CTPS2: variants seen among roughly 807,000 people sequenced by gnomAD.
CTPS2 encodes CTP synthase II.
CTPS2 carries 19 observed loss-of-function variants against 46.8 expected under a neutral mutation model. The observed-to-expected ratio is 0.41, with a 90% confidence interval of 0.28 to 0.60. CTPS2 has a LOEUF of 0.60. Among genes scored for constraint, CTPS2 ranks in the 20% least tolerant of loss-of-function variants. CTPS2 has a pLI of 0.35. For synonymous variants in CTPS2, 151 were observed against 165.2 expected (o/e 0.91, Z 0.66); for missense variants, 286 against 447.6 (o/e 0.64, Z 3.26).
intron 13 of CTPS2, among the ~76,000 whole-genome samples, chrX:16,659,771 T>G (rs752892662): frequency 9.0e-6 from 1 of 111,640 alleles, no homozygotes; most frequent in Non-Finnish European, 1.9e-5. Flanking sequence ...GCAATGAAGA[T>G]CCACTCTCTA....
intron 9 of CTPS2, 79 bp downstream of exon 9, chrX:16,683,015 T>C: frequency 1.8e-6 from 2 of 1,119,940 alleles, no homozygotes; most frequent in Admixed American, 4.5e-5. Context: ...CAGGGACCCT[T>C]TAACAAAACT....
At position 16,693,962 on chromosome X, in the gene CTPS2, G is replaced by A. The variant is rs539985451; in HGVS notation, c.439-475C>T. 1.3e-4 allele frequency among the ~76,000 whole-genome samples: 14 copies of A among 110,424 alleles called. 1 individual carries two copies. The South Asian group carries it at 2.3e-3, about 18-fold the overall frequency. On this transcript the variant is annotated intron_variant, in intron 4 of 18. Coordinates refer to ENST00000359276, the MANE Select transcript of CTPS2 (RefSeq NM_175859.3). ...CGGGCGGATCACAGGTCAGGAGATC[G>A]GGACCATCCTGGCCAACATGGTGAA...
intron 10 of CTPS2, among the ~76,000 whole-genome samples, chrX:16,673,079 G>A (rs1258922976): frequency 9.4e-6 from 1 of 106,079 alleles, no homozygotes; most frequent in African/African-American, 3.5e-5. Context: ...GTAGAGACGG[G>A]GTTTCACCGT....
At chrX:16,663,255 T>TC (rs1324081969) in intron 13 of CTPS2, among the ~76,000 whole-genome samples, 4 of 111,193 alleles carry the variant, frequency 3.6e-5, no homozygotes, top group African/African-American at 1.3e-4. Flanking sequence ...CAAGTGATCC[T>TC]CCCCCTCAGC....
At position 16,702,947 on chromosome X, in the gene CTPS2, A is replaced by T; in HGVS notation, c.-39-6T>A. 9.2e-7 allele frequency: 1 copy of T among 1,088,045 alleles called. No individual in the cohort carries two copies. Among genetic ancestry groups the T allele is most frequent in the African/African-American group, 1.8e-5 (1 of 55,160 alleles). The allele number at this position is 1,088,045 out of a possible 1,213,427, so 89.7% of individuals were successfully genotyped here. A position where few individuals can be genotyped will look rare whatever the true frequency, so the allele number is the denominator to read the frequency against. ...TGCCAACACCCAGATATAATCTGAA[A>T]GGCAATAAAATTATGGATAAGGAAA... On this transcript the variant is annotated splice_polypyrimidine_tract_variant and splice_region_variant and intron_variant, in intron 1 of 18. Coordinates refer to ENST00000359276, the MANE Select transcript of CTPS2 (RefSeq NM_175859.3).
chrX:16,702,624 A>G, intron 2 of CTPS2, 113 bp downstream of exon 2: 1 of 652,627 alleles, frequency 1.5e-6, no homozygotes, highest in Non-Finnish European at 2.4e-6. Flanking sequence ...TATTCATAGC[A>G]TACGATCTAG....
At chrX:16,603,570 T>G (rs1602122547) in intron 17 of CTPS2, among the ~76,000 whole-genome samples, 1 of 109,836 alleles carries the variant, frequency 9.1e-6, no homozygotes, top group Non-Finnish European at 1.9e-5. Context: ...AGAGTGTGGG[T>G]GTGTGTGTAT....
chrX:16,692,828 C>T (rs1228903788), intron 6 of CTPS2, among the ~76,000 whole-genome samples: 2 of 110,361 alleles, frequency 1.8e-5, no homozygotes, highest in East Asian at 2.9e-4. Context: ...GAGGCTGAGG[C>T]GGGCGGATCA....
chrX:16,696,456 T>A (rs1392662057), intron 4 of CTPS2, among the ~76,000 whole-genome samples: 2 of 112,122 alleles, frequency 1.8e-5, no homozygotes, highest in Non-Finnish European at 3.8e-5. Context: ...CAACCTCACA[T>A]CCTTAGCAGC....
chrX:16,692,685 G>A (rs756945749), intron 6 of CTPS2, among the ~76,000 whole-genome samples: 5 of 111,142 alleles, frequency 4.5e-5, no homozygotes, highest in East Asian at 2.8e-4. Flanking sequence ...AGCCTTTTCC[G>A]GCTCCCAGAT....
intron 10 of CTPS2, 126 bp from the exon 11 acceptor site, chrX:16,670,800 C>G (rs1921684733): frequency 2.3e-6 from 1 of 426,252 alleles, no homozygotes; most frequent in African/African-American, 2.5e-5. Flanking sequence ...TTTTCAGAAC[C>G]AATTATATGA....
intron 17 of CTPS2, among the ~76,000 whole-genome samples, chrX:16,601,603 T>C (rs2147172365): frequency 9.8e-6 from 1 of 101,990 alleles, no homozygotes; most frequent in East Asian, 3.2e-4. Flanking sequence ...TCCAAAATAA[T>C]GTGGGGAGAT....
intron 14 of CTPS2, among the ~76,000 whole-genome samples, chrX:16,622,222 A>G (rs1930880955): frequency 9.1e-6 from 1 of 109,478 alleles, no homozygotes; most frequent in South Asian, 4.0e-4. Flanking sequence ...CCTGGCCAAC[A>G]TGGTGAAACC....
chrX:16,684,731 A>G (rs889016363), intron 8 of CTPS2, among the ~76,000 whole-genome samples: 1 of 110,947 alleles, frequency 9.0e-6, no homozygotes, highest in Non-Finnish European at 1.9e-5. Flanking sequence ...TGAACTCACT[A>G]CTTTATTTTA....
chrX:16,693,656 G>A (rs1188505309), intron 4 of CTPS2, among the ~76,000 whole-genome samples, 169 bp from the exon 5 acceptor site: 2 of 110,950 alleles, frequency 1.8e-5, no homozygotes, highest in Admixed American at 9.7e-5. Context: ...TGGGTATGGC[G>A]GCTCACACCT....
intron 10 of CTPS2, among the ~76,000 whole-genome samples, chrX:16,672,941 C>A (rs1372108525): frequency 1.1e-5 from 1 of 87,485 alleles, no homozygotes; most frequent in Non-Finnish European, 2.1e-5. Flanking sequence ...GGCTGGAGTG[C>A]AGTGGCGGGA....
At chrX:16,694,041 G>A (rs1193425094) in intron 4 of CTPS2, among the ~76,000 whole-genome samples, 1 of 110,382 alleles carries the variant, frequency 9.1e-6, no homozygotes, top group East Asian at 2.9e-4. Context: ...GGGCACACCT[G>A]TAGTCCCAGC....
At chrX:16,634,394 G>C (rs1178043349) in intron 14 of CTPS2, among the ~76,000 whole-genome samples, 1 of 111,526 alleles carries the variant, frequency 9.0e-6, no homozygotes, top group Admixed American at 9.6e-5. Flanking sequence ...CCTTGAATCA[G>C]CTTTGATAAT....
At chrX:16,667,137 C>CTTT (rs34412705) in intron 13 of CTPS2, among the ~76,000 whole-genome samples, 38 of 90,049 alleles carry the variant, frequency 4.2e-4, no homozygotes, top group African/African-American at 1.4e-3. Flanking sequence ...CCCCCCCCGC[C>CTTT]TTTTTTTTTT....
Sources: allele counts gnomAD v4.1 joint callset (sites outside exome capture counted in the v4.1 genomes callset), GRCh38; gene constraint gnomAD v4.1.1; transcripts MANE v1.5; gene names NCBI Gene and HGNC (gene_info 2026-07-23, HGNC 2026-07-21).